Variants in CTNND2 observed in about 807,000 individuals in gnomAD.
The protein encoded by CTNND2 is catenin delta-2.
CTNND2 carries 22 observed loss-of-function variants against 144.4 expected under a neutral mutation model. The ratio of observed to expected loss-of-function variants is 0.15; its 90% CI spans 0.11 to 0.22. The LOEUF (loss-of-function observed/expected upper bound fraction) is 0.22, where lower values mean the gene tolerates loss of function less well. Among genes scored for constraint, CTNND2 ranks in the 10% least tolerant of loss-of-function variants. The probability of loss-of-function intolerance (pLI) is 1.00; values close to 1 mark genes in which losing one functional copy is unlikely to be tolerated. For missense variants in CTNND2, 1,353 were observed against 1,618.8 expected, an observed-to-expected ratio of 0.84 and a Z score of 2.82; for synonymous variants, 751 against 695.6, an observed-to-expected ratio of 1.08 and a Z score of -1.25.
chr5:11,403,939 T>C (rs1034296883), intron 5 of CTNND2, among the ~76,000 whole-genome samples: 1 of 152,212 alleles, frequency 6.6e-6, no homozygotes, highest in Non-Finnish European at 1.5e-5. Context: ...CTTCTCACAA[T>C]AGAGGATTTC....
chr5:11,621,023 G>A (rs1351170959), intron 2 of CTNND2, among the ~76,000 whole-genome samples: 3 of 152,172 alleles, frequency 2.0e-5, no homozygotes, highest in Non-Finnish European at 4.4e-5. Flanking sequence ...CTGGCTCACT[G>A]CTGTTTACTC....
intron 14 of CTNND2, among the ~76,000 whole-genome samples, chr5:11,099,557 G>A (rs1052565999): frequency 5.3e-5 from 8 of 152,190 alleles, no homozygotes; most frequent in African/African-American, 1.7e-4. Flanking sequence ...ATGCAAAGTA[G>A]TATGGGATTT....
intron 9 of CTNND2, among the ~76,000 whole-genome samples, chr5:11,276,416 A>C (rs1420366470): frequency 6.6e-6 from 1 of 152,118 alleles, no homozygotes; most frequent in African/African-American, 2.4e-5. Context: ...GTTTCCTCCT[A>C]CTTCCCAGGC....
At chr5:11,006,151 G>A (rs1740456308) in intron 18 of CTNND2, among the ~76,000 whole-genome samples, 1 of 152,138 alleles carries the variant, frequency 6.6e-6, no homozygotes, top group South Asian at 2.1e-4. Flanking sequence ...CAGGACCAGG[G>A]TATTGGCAAA....
chr5:11,871,807 C>G (rs1030124490), intron 1 of CTNND2, among the ~76,000 whole-genome samples: 8 of 152,104 alleles, frequency 5.3e-5, no homozygotes, highest in Non-Finnish European at 1.0e-4. Context: ...TAAGAGTTTT[C>G]ACTGTCAAAT....
chr5:11,873,411 A>T (rs1046831553), intron 1 of CTNND2, among the ~76,000 whole-genome samples: 9 of 152,184 alleles, frequency 5.9e-5, no homozygotes, highest in Non-Finnish European at 1.5e-5. Context: ...ATCTGCTCCC[A>T]AACCTAGTTA....
intron 1 of CTNND2, among the ~76,000 whole-genome samples, chr5:11,741,774 T>C (rs1788030629): frequency 6.7e-6 from 1 of 148,192 alleles, no homozygotes; most frequent in Non-Finnish European, 1.5e-5. Flanking sequence ...ATATAATATA[T>C]ATTCATATAT....
At chr5:11,154,787 G>A (rs1758067071) in intron 12 of CTNND2, among the ~76,000 whole-genome samples, 1 of 152,178 alleles carries the variant, frequency 6.6e-6, no homozygotes, top group African/African-American at 2.4e-5. Flanking sequence ...AGGCTCTTGG[G>A]AAAATTCCTT....
At chr5:11,267,582 C>T (rs955814061) in intron 9 of CTNND2, among the ~76,000 whole-genome samples, 10 of 152,144 alleles carry the variant, frequency 6.6e-5, no homozygotes, top group Admixed American at 2.0e-4. Context: ...CTGTTAACAA[C>T]GAGGGAACCA....
chr5:11,289,973 GA>G (rs1373756193), intron 9 of CTNND2, among the ~76,000 whole-genome samples: 1 of 152,164 alleles, frequency 6.6e-6, no homozygotes, highest in Non-Finnish European at 1.5e-5. Flanking sequence ...GTGACCTCTG[GA>G]AAAATCACCA....
chr5:11,629,184 T>C (rs561590727), intron 2 of CTNND2, among the ~76,000 whole-genome samples: 17 of 152,272 alleles, frequency 1.1e-4, no homozygotes, highest in East Asian at 7.7e-4. Context: ...TGCCAATATT[T>C]TTGAGTAATG....
At chr5:11,455,404 G>A (rs1425482359) in intron 3 of CTNND2, among the ~76,000 whole-genome samples, 11 of 152,142 alleles carry the variant, frequency 7.2e-5, no homozygotes, top group Admixed American at 7.2e-4. Context: ...CATACACTAT[G>A]ATCATGATCT....
At chr5:11,401,556 T>C (rs1171053004) in intron 5 of CTNND2, among the ~76,000 whole-genome samples, 2 of 152,186 alleles carry the variant, frequency 1.3e-5, no homozygotes, top group Non-Finnish European at 2.9e-5. Context: ...CCATAGATGA[T>C]GATGACAAAG....
At chr5:11,727,938 G>C (rs1019277943) in intron 2 of CTNND2, among the ~76,000 whole-genome samples, 1 of 152,042 alleles carries the variant, frequency 6.6e-6, no homozygotes, top group Non-Finnish European at 1.5e-5. Context: ...ACTAATTAAG[G>C]GAGTATTTTA....
At chr5:11,836,940 C>T (rs779134271) in intron 1 of CTNND2, among the ~76,000 whole-genome samples, 23 of 152,256 alleles carry the variant, frequency 1.5e-4, no homozygotes, top group African/African-American at 4.1e-4. Context: ...CAAGCGGGGC[C>T]GCTCTGGGAA....
chr5:11,304,856 C>T (rs26477), intron 9 of CTNND2, among the ~76,000 whole-genome samples: 4,484 of 152,302 alleles, frequency 0.029, 247 homozygotes, highest in African/African-American at 0.1. Flanking sequence ...GGAATCTCCA[C>T]GTGTTTCCCA....
At chr5:11,462,304 G>C (rs2149936202) in intron 3 of CTNND2, among the ~76,000 whole-genome samples, 1 of 152,240 alleles carries the variant, frequency 6.6e-6, no homozygotes, top group South Asian at 2.1e-4. Flanking sequence ...TAGGACTTGG[G>C]GGAGCTGCCC....
intron 12 of CTNND2, among the ~76,000 whole-genome samples, chr5:11,146,983 T>G (rs1021392358): frequency 6.6e-6 from 1 of 152,168 alleles, no homozygotes; most frequent in Non-Finnish European, 1.5e-5. Flanking sequence ...CCTTGCTTGG[T>G]GCTGATTAGT....
At chr5:11,485,775 CA>C (rs1358171806) in intron 3 of CTNND2, among the ~76,000 whole-genome samples, 9 of 152,144 alleles carry the variant, frequency 5.9e-5, no homozygotes, top group African/African-American at 2.2e-4. Context: ...AAACTCCAAA[CA>C]AGAAAATGAA....
Sources: allele counts gnomAD v4.1 joint callset (sites outside exome capture counted in the v4.1 genomes callset), GRCh38; gene constraint gnomAD v4.1.1; transcripts MANE v1.5; gene names NCBI Gene and HGNC (gene_info 2026-07-23, HGNC 2026-07-21).